Variants in MAP3K5 observed in about 807,000 individuals in gnomAD.
The protein encoded by MAP3K5 is ASK-1.
Under a neutral mutation model 158.7 loss-of-function variants are expected in MAP3K5, and 56 were observed. That is an observed-to-expected ratio of 0.35 (90% CI 0.28 to 0.44). The LOEUF (loss-of-function observed/expected upper bound fraction) is 0.44. Ranked by LOEUF, MAP3K5 falls within the 20% of genes least tolerant of loss-of-function variation. The pLI, the probability that MAP3K5 is intolerant of heterozygous loss-of-function variation, is 1.00. For synonymous variants in MAP3K5, 579 were observed against 601.7 expected (o/e 0.96, Z 0.55); for missense variants, 1,294 against 1,674.8 (o/e 0.77, Z 3.97).
At chr6:136,558,776 T>G (rs1830368176) in intron 29 of MAP3K5, 24 bp downstream of exon 29, 1 of 1,454,646 alleles carries the variant, frequency 6.9e-7, no homozygotes. Context: ...CTTTCCATAG[T>G]GACAACAGAA....
chr6:136,733,627 A>C (rs539469674), intron 1 of MAP3K5, among the ~76,000 whole-genome samples: 5 of 142,232 alleles, frequency 3.5e-5, no homozygotes, highest in African/African-American at 1.6e-4. Flanking sequence ...AAAAACAAAC[A>C]AAAAAAACCT....
At chr6:136,581,375 A>G (rs1471603402) in intron 24 of MAP3K5, among the ~76,000 whole-genome samples, 1 of 152,214 alleles carries the variant, frequency 6.6e-6, no homozygotes, top group Non-Finnish European at 1.5e-5. Context: ...AGCTTTTAGC[A>G]TAAGACTATG....
intron 2 of MAP3K5, among the ~76,000 whole-genome samples, chr6:136,711,085 G>A (rs1781286762): frequency 1.3e-5 from 2 of 152,038 alleles, no homozygotes; most frequent in Admixed American, 6.6e-5. Context: ...AAGTGTCATA[G>A]AGCCGTGACA....
intron 17 of MAP3K5, among the ~76,000 whole-genome samples, chr6:136,611,976 A>T (rs1284260167): frequency 6.6e-6 from 1 of 152,128 alleles, no homozygotes; most frequent in Non-Finnish European, 1.5e-5. Flanking sequence ...AGGCTTCTCC[A>T]TTTCTGACTA....
At chr6:136,660,067 C>T (rs2114467994) in intron 8 of MAP3K5, among the ~76,000 whole-genome samples, 1 of 152,182 alleles carries the variant, frequency 6.6e-6, no homozygotes, top group African/African-American at 2.4e-5. Context: ...ATAATACAAA[C>T]ATTGTTATGT....
intron 7 of MAP3K5, among the ~76,000 whole-genome samples, chr6:136,671,241 T>C (rs9376221): frequency 0.14 from 22,025 of 152,186 alleles, 2,230 homozygotes; most frequent in African/African-American, 0.28. Context: ...AATCAATAAA[T>C]ATTGGCTGAA....
In MAP3K5 at chr6:136,696,032, A is replaced by G; in HGVS notation, c.1001T>C (p.Val334Ala). 6.2e-7 allele frequency: 1 copy of G among 1,611,602 alleles called. No individual in the cohort carries two copies. The highest frequency in any genetic ancestry group is 1.1e-5 in the South Asian group (1 of 91,010). ...IQDYDSIVKLVETLEKLPTFD... is the reference protein window; with the variant it reads ...IQDYDSIVKLAETLEKLPTFD... The stretch of plus-strand genomic sequence containing the variant: ...GGTTGGCAGTTTTTCTAAAGTCTCT[A>G]CCAGCTTCACAATAGAATCATAGTC... The change falls in exon 6 of 30, where the codon GTA (valine) becomes GCA (alanine). Residue 334 changes from valine to alanine, a missense_variant. By Grantham distance (64) the Val-to-Ala change is moderately conservative (BLOSUM62 0). Transcript: ENST00000359015.
rs146386910 is a variant in MAP3K5 at position 136,656,562 on chromosome 6, AATAGTTATGC to A, written c.1527-112_1527-103del. 1.4e-3 allele frequency: 944 copies of A among 696,876 alleles called. 13 individuals carry two copies. In the East Asian group the frequency reaches 0.021, roughly 16 times the overall value. The allele number at this position is 696,876 out of a possible 1,614,324, so 43.2% of individuals were successfully genotyped here. A position where few individuals can be genotyped will look rare whatever the true frequency, so the allele number is the denominator to read the frequency against. The stretch of plus-strand genomic sequence containing the variant: ...GTAAATGTAATTTATACATGACATT[AATAGTTATGC>A]ATTCAGATTCACCGTTATTCGTTAT... On this transcript the variant is annotated intron_variant, in intron 9 of 29. Transcript: ENST00000359015.
chr6:136,785,368 A>G (rs1439606842), intron 1 of MAP3K5, among the ~76,000 whole-genome samples: 1 of 152,212 alleles, frequency 6.6e-6, no homozygotes, highest in Non-Finnish European at 1.5e-5. Flanking sequence ...AGTTCTTACA[A>G]TTTTAACTAG....
At chr6:136,593,130 G>A (rs193088627) in intron 21 of MAP3K5, among the ~76,000 whole-genome samples, 73 of 152,180 alleles carry the variant, frequency 4.8e-4, no homozygotes, top group African/African-American at 1.7e-3. Context: ...TATGCTGACT[G>A]TCATATATCA....
At chr6:136,597,684 C>T (rs949287159) in intron 21 of MAP3K5, among the ~76,000 whole-genome samples, 1 of 152,152 alleles carries the variant, frequency 6.6e-6, no homozygotes, top group Non-Finnish European at 1.5e-5. Flanking sequence ...GGATCTGGGA[C>T]CAACTGAGGC....
At chr6:136,702,221 G>C (rs771856320) in intron 3 of MAP3K5, among the ~76,000 whole-genome samples, 9 of 151,964 alleles carry the variant, frequency 5.9e-5, no homozygotes, top group Non-Finnish European at 4.4e-5. Flanking sequence ...CAGGAAAAAA[G>C]GGGGGTGATA....
intron 2 of MAP3K5, among the ~76,000 whole-genome samples, chr6:136,712,270 C>T (rs1423307599): frequency 1.3e-5 from 2 of 151,540 alleles, no homozygotes; most frequent in Non-Finnish European, 2.9e-5. Flanking sequence ...CAACCTCAAC[C>T]TCCCCAGGCT....
At position 136,720,563 on chromosome 6, in the gene MAP3K5, C is replaced by A; in HGVS notation, c.475G>T (p.Ala159Ser). ...ADIAVVEMSD[A>S]FRQPSLFYHL... ...TAAAACAAGGACGGCTGCCGGAAGG[C>A]ATCGCTCATCTCCACCACCGCAATA... The change falls in exon 2 of 30, where the codon GCC becomes TCC. Residue 159 changes from alanine (A) to serine (S), a missense_variant. Physicochemically the swap from Ala to Ser is moderately conservative, Grantham distance 99. Around this residue, in one of 5 missense-constraint regions of MAP3K5, gnomAD observed 690 missense variants for 870.5 expected, o/e 0.79. Coordinates refer to ENST00000359015, the MANE Select transcript of MAP3K5 (RefSeq NM_005923.4). 1 of 1,612,154 alleles carries A rather than the reference C, an allele frequency of 6.2e-7. No homozygotes were observed. Among genetic ancestry groups the A allele is most frequent in the Non-Finnish European group, 8.5e-7 (1 of 1,179,224 alleles).
intron 29 of MAP3K5, among the ~76,000 whole-genome samples, chr6:136,558,182 T>A (rs1025732388): frequency 8.5e-5 from 13 of 152,082 alleles, no homozygotes; most frequent in African/African-American, 2.9e-4. Flanking sequence ...ATCGAGACCA[T>A]CCTGGCTAAC....
At chr6:136,658,506 G>A (rs1242092083) in intron 9 of MAP3K5, among the ~76,000 whole-genome samples, 1 of 151,492 alleles carries the variant, frequency 6.6e-6, no homozygotes, top group African/African-American at 2.4e-5. Flanking sequence ...GTAGAGATGG[G>A]GTTTCACCCG....
intron 24 of MAP3K5, among the ~76,000 whole-genome samples, chr6:136,582,728 C>T (rs1471105838): frequency 1.3e-5 from 2 of 152,190 alleles, no homozygotes; most frequent in Non-Finnish European, 2.9e-5. Flanking sequence ...CACATTAGGG[C>T]TGAATTAATT....
At chr6:136,603,116 T>A (rs184900181) in intron 19 of MAP3K5, among the ~76,000 whole-genome samples, 9 of 152,160 alleles carry the variant, frequency 5.9e-5, no homozygotes, top group Admixed American at 4.6e-4. Flanking sequence ...CAGACACAGT[T>A]CTAAGTGCTT....
chr6:136,741,903 C>T (rs748787245), intron 1 of MAP3K5, among the ~76,000 whole-genome samples: 1 of 151,948 alleles, frequency 6.6e-6, no homozygotes, highest in African/African-American at 2.4e-5. Flanking sequence ...CATTAGCACC[C>T]CCAAAAATGA....
Sources: gnomAD v4.1 joint callset for allele counts (sites outside exome capture counted in the v4.1 genomes callset) on GRCh38, gnomAD v4.1.1 for gene constraint, gnomAD v4.1.1 regional missense constraint, MANE v1.5 for transcripts, NCBI Gene and HGNC (gene_info 2026-07-23, HGNC 2026-07-21) for gene names.